The following MTUS2 variants were observed in gnomAD, a reference collection of about 807,000 sequenced individuals.
The protein encoded by MTUS2 is microtubule associated scaffold protein 2, also known as microtubule-associated tumor suppressor candidate 2.
In MTUS2, 40 loss-of-function variants were observed where a neutral mutation model predicts 114.1. That is an observed-to-expected ratio of 0.35 (90% CI 0.27 to 0.46). The LOEUF (loss-of-function observed/expected upper bound fraction) is 0.46. Ranked by LOEUF, MTUS2 falls within the 20% of genes least tolerant of loss-of-function variation. The pLI, the probability that MTUS2 is intolerant of heterozygous loss-of-function variation, is 1.00. For synonymous variants in MTUS2, 688 were observed against 672.0 expected (o/e 1.02, Z -0.37); for missense variants, 1,679 against 1,705.4 (o/e 0.98, Z 0.27).
intron 7 of MTUS2, 103 bp downstream of exon 7, chr13:29,324,814 T>A (rs1900412914): frequency 2.3e-6 from 2 of 866,902 alleles, no homozygotes; most frequent in South Asian, 3.1e-5. Context: ...TGTGATTTAC[T>A]CAATTGTTCC....
intron 8 of MTUS2, 135 bp downstream of exon 8, chr13:29,359,608 A>G: frequency 5.2e-6 from 5 of 968,822 alleles, no homozygotes; most frequent in Non-Finnish European, 7.6e-6. Context: ...TCAGGAGTTC[A>G]GGCAGAATCT....
intron 5 of MTUS2, among the ~76,000 whole-genome samples, chr13:29,123,631 C>T (rs1445075293): frequency 3.9e-5 from 6 of 152,068 alleles, no homozygotes; most frequent in African/African-American, 7.2e-5. Context: ...GCAGGAGAAT[C>T]GCTTACACCT....
chr13:28,855,195 T>C (rs1876545404), intron 2 of MTUS2, among the ~76,000 whole-genome samples: 1 of 152,200 alleles, frequency 6.6e-6, no homozygotes, highest in Non-Finnish European at 1.5e-5. Context: ...AGGTTTTTTT[T>C]TTATTTTAAT....
chr13:29,291,891 A>C (rs1465359107), intron 6 of MTUS2, among the ~76,000 whole-genome samples: 1 of 152,124 alleles, frequency 6.6e-6, no homozygotes, highest in Non-Finnish European at 1.5e-5. Context: ...GTTTCATCCA[A>C]CTCTAACATC....
At chr13:29,309,641 A>C (rs1057278088) in intron 6 of MTUS2, among the ~76,000 whole-genome samples, 1 of 149,374 alleles carries the variant, frequency 6.7e-6, no homozygotes, top group Non-Finnish European at 1.5e-5. Context: ...TTTAGATTTC[A>C]ACATGTGAAT....
chr13:29,128,942 A>G (rs954718793), intron 5 of MTUS2, among the ~76,000 whole-genome samples: 1 of 152,206 alleles, frequency 6.6e-6, no homozygotes, highest in African/African-American at 2.4e-5. Flanking sequence ...ATGCCTTTAT[A>G]TTGTGCATCA....
intron 5 of MTUS2, among the ~76,000 whole-genome samples, chr13:29,281,442 T>TGTGTGTGTGC (rs1898264066): frequency 1.3e-5 from 2 of 151,804 alleles, no homozygotes; most frequent in African/African-American, 4.9e-5. Flanking sequence ...TGTGTGTGTG[T>TGTGTGTGTGC]GTGTGTGCAT....
At chr13:28,845,419 C>T (rs73452693) in intron 2 of MTUS2, among the ~76,000 whole-genome samples, 1,904 of 152,110 alleles carry the variant, frequency 0.013, 46 homozygotes, top group African/African-American at 0.043. Context: ...TGAATGAAGC[C>T]ATTTGAAGCT....
intron 5 of MTUS2, among the ~76,000 whole-genome samples, chr13:29,136,216 C>G (rs1424817531): frequency 6.6e-6 from 1 of 152,192 alleles, no homozygotes; most frequent in Non-Finnish European, 1.5e-5. Flanking sequence ...AACAAACTCC[C>G]TCAACTTTTA....
intron 4 of MTUS2, among the ~76,000 whole-genome samples, chr13:29,048,959 C>A (rs1226673553): frequency 1.3e-5 from 2 of 152,188 alleles, no homozygotes; most frequent in East Asian, 3.9e-4. Context: ...AGTTATATCA[C>A]TGGGGAAGAG....
intron 5 of MTUS2, among the ~76,000 whole-genome samples, chr13:29,148,184 G>C (rs1005827600): frequency 1.6e-4 from 24 of 149,980 alleles, no homozygotes; most frequent in Non-Finnish European, 3.4e-4. Flanking sequence ...TTTTTCTGAT[G>C]ATTAGTGATG....
chr13:29,266,650 G>A (rs1254638039), intron 5 of MTUS2, among the ~76,000 whole-genome samples: 1 of 151,918 alleles, frequency 6.6e-6, no homozygotes, highest in African/African-American at 2.4e-5. Context: ...ACTATACATG[G>A]CCCACCTCGG....
chr13:29,307,212 G>T, intron 6 of MTUS2: 1 of 563,586 alleles, frequency 1.8e-6, no homozygotes. Flanking sequence ...GCAGCCTCAA[G>T]ATCATCAGCA....
chr13:29,385,161 G>C (rs1370557480), intron 8 of MTUS2, among the ~76,000 whole-genome samples: 5 of 152,226 alleles, frequency 3.3e-5, no homozygotes, highest in African/African-American at 1.2e-4. Context: ...GGCTGAAAAT[G>C]TGCCGACATT....
intron 2 of MTUS2, among the ~76,000 whole-genome samples, chr13:29,017,068 A>G (rs1294671091): frequency 6.6e-6 from 1 of 152,188 alleles, no homozygotes; most frequent in Non-Finnish European, 1.5e-5. Flanking sequence ...TATTATTACC[A>G]GGAGACTTTC....
At chr13:28,942,621 C>A (rs764409347) in intron 2 of MTUS2, among the ~76,000 whole-genome samples, 1 of 152,204 alleles carries the variant, frequency 6.6e-6, no homozygotes, top group Admixed American at 6.5e-5. Context: ...ACAATGGAAT[C>A]CTATACAGCA....
rs770405692 is a variant in MTUS2, at chr13:29,359,370, G to T, written c.3014G>T (p.Cys1005Phe). The T allele has an allele frequency of 8.3e-5, 134 of 1,613,146 alleles. No homozygotes were observed. Among genetic ancestry groups the T allele is most frequent in the Non-Finnish European group, 1.1e-4 (124 of 1,179,676 alleles). The change falls in exon 8 of 16, where the codon TGT becomes TTT. Residue 1005 changes from cysteine to phenylalanine, a missense_variant. Cys to Phe is a radical substitution (Grantham distance 205). Transcript: ENST00000612955. ...CTGGTGCTGCGGCTGAAGGAGCGGT[G>T]TGAGCAGCAGACCAGACAGCTGGGC... is the stretch of plus-strand genomic sequence containing the variant. ...RQLVLRLKER[C>F]EQQTRQLGVA...
intron 5 of MTUS2, among the ~76,000 whole-genome samples, chr13:29,174,836 C>A (rs1261033544): frequency 6.6e-6 from 1 of 152,144 alleles, no homozygotes; most frequent in Non-Finnish European, 1.5e-5. Context: ...AAATTAAATT[C>A]CTTGAGACTT....
chr13:29,265,561 A>G (rs1045549962), intron 5 of MTUS2, among the ~76,000 whole-genome samples: 7 of 152,158 alleles, frequency 4.6e-5, no homozygotes, highest in African/African-American at 1.7e-4. Flanking sequence ...GAGACTGGGT[A>G]ATTTATAAAT....
Sources: allele counts gnomAD v4.1 joint callset (sites outside exome capture counted in the v4.1 genomes callset), GRCh38; gene constraint gnomAD v4.1.1; transcripts MANE v1.5; gene names NCBI Gene and HGNC (gene_info 2026-07-23, HGNC 2026-07-21).